Variants in HECW1 observed in about 807,000 individuals in gnomAD.
The protein encoded by HECW1 is HECT, C2 and WW domain containing E3 ubiquitin protein ligase 1.
Under a neutral mutation model 182.3 loss-of-function variants are expected in HECW1, and 61 were observed. The observed-to-expected ratio is 0.33, with a 90% CI of 0.27 to 0.41. HECW1 has a LOEUF of 0.41. HECW1 is among the 10% of genes least tolerant of loss of function. The pLI is 1.00. For missense variants in HECW1, 1,739 were observed against 2,108.9 expected (o/e 0.82, Z 3.44); for synonymous variants, 859 against 832.6 (o/e 1.03, Z -0.55).
At chr7:43,523,213 G>A (rs187456979) in intron 24 of HECW1, 8 of 220,084 alleles carry the variant, frequency 3.6e-5, no homozygotes, top group East Asian at 3.2e-4. Flanking sequence ...CATGTTGGCC[G>A]GGGGGGGTCT....
chr7:43,129,063 A>G (rs1465238371), intron 2 of HECW1, among the ~76,000 whole-genome samples: 1 of 152,236 alleles, frequency 6.6e-6, no homozygotes, highest in Non-Finnish European at 1.5e-5. Flanking sequence ...GATACTGTGA[A>G]CATTGTTGAA....
chr7:43,447,584 C>T (rs114144833), intron 11 of HECW1, among the ~76,000 whole-genome samples: 1,774 of 152,338 alleles, frequency 0.012, 33 homozygotes, highest in African/African-American at 0.04. Flanking sequence ...GCCATGCACA[C>T]GCTGGCATGT....
chr7:43,542,034 T>G (rs2081378778), intron 26 of HECW1, 36 bp downstream of exon 26: 1 of 1,454,104 alleles, frequency 6.9e-7, no homozygotes, highest in Non-Finnish European at 9.1e-7. Flanking sequence ...AGGGATTTTG[T>G]TTTTTACTAT....
chr7:43,114,294 T>G lies in HECW1; in HGVS notation c.-129T>G. On this transcript the variant is annotated 5_prime_UTR_variant, in exon 2 of 30. Transcript: ENST00000395891. ...ATGCCCTACCCGAAAAGGCCAACCG[T>G]TAAAGACCCCGGCAGTGTTGTGGTC... is the stretch of plus-strand genomic sequence containing the variant. 1 of 1,362,832 alleles carries G rather than the reference T, an allele frequency of 7.3e-7. No homozygotes were observed. Among genetic ancestry groups the G allele is most frequent in the Middle Eastern group, 1.9e-4 (1 of 5,146 alleles). The allele number at this position is 1,362,832 out of a possible 1,614,324, so 84.4% of individuals were successfully genotyped here.
chr7:43,496,607 AC>A (rs2079133023), intron 19 of HECW1, among the ~76,000 whole-genome samples: 1 of 152,144 alleles, frequency 6.6e-6, no homozygotes, highest in African/African-American at 2.4e-5. Flanking sequence ...TCAGGACCCC[AC>A]CCAGAAGAAC....
chr7:43,368,826 T>C (rs1275553007), intron 6 of HECW1, among the ~76,000 whole-genome samples: 1 of 152,208 alleles, frequency 6.6e-6, no homozygotes, highest in Non-Finnish European at 1.5e-5. Context: ...GTCTGGACTC[T>C]AAGAAGCAAA....
chr7:43,507,862 T>A (rs548668678), intron 22 of HECW1, among the ~76,000 whole-genome samples, 156 bp from the exon 23 acceptor site: 1 of 152,316 alleles, frequency 6.6e-6, no homozygotes, highest in South Asian at 2.1e-4. Flanking sequence ...GTTCAGATAA[T>A]CCCTCGATGA....
intron 3 of HECW1, among the ~76,000 whole-genome samples, chr7:43,267,778 GA>G (rs1320223463): frequency 6.6e-6 from 1 of 151,988 alleles, no homozygotes; most frequent in African/African-American, 2.4e-5. Context: ...AATATTAATA[GA>G]AATTTTTATG....
chr7:43,362,807 T>C (rs1816131316), intron 6 of HECW1, among the ~76,000 whole-genome samples: 2 of 152,224 alleles, frequency 1.3e-5, no homozygotes. Flanking sequence ...ACCCTTCCAC[T>C]GCAGGCCTGG....
chr7:43,416,943 G>A (rs2076027366), intron 8 of HECW1, among the ~76,000 whole-genome samples: 1 of 152,206 alleles, frequency 6.6e-6, no homozygotes, highest in Non-Finnish European at 1.5e-5. Flanking sequence ...TCCCTAGTGA[G>A]ATGCACCCAG....
At chr7:43,335,376 T>C (rs1388510146) in intron 5 of HECW1, among the ~76,000 whole-genome samples, 1 of 152,204 alleles carries the variant, frequency 6.6e-6, no homozygotes, top group Admixed American at 6.5e-5. Context: ...CTCGCTGCTA[T>C]AGACTAATGT....
intron 2 of HECW1, among the ~76,000 whole-genome samples, chr7:43,208,168 T>C (rs1010250792): frequency 1.3e-5 from 2 of 152,234 alleles, no homozygotes; most frequent in African/African-American, 4.8e-5. Context: ...TCCAGATCTT[T>C]ACCTCTTCAT....
At chr7:43,380,359 C>T (rs1371134245) in intron 6 of HECW1, among the ~76,000 whole-genome samples, 4 of 151,560 alleles carry the variant, frequency 2.6e-5, no homozygotes, top group Non-Finnish European at 2.9e-5. Context: ...CCACTGTGCC[C>T]AGCCTCTTTG....
chr7:43,297,691 A>T (rs1276732288), intron 3 of HECW1, among the ~76,000 whole-genome samples: 2 of 152,166 alleles, frequency 1.3e-5, no homozygotes, highest in Non-Finnish European at 2.9e-5. Context: ...GGCTCTAAGG[A>T]TTCTTCTCCA....
chr7:43,135,471 A>G (rs747262105), intron 2 of HECW1, among the ~76,000 whole-genome samples: 2 of 152,180 alleles, frequency 1.3e-5, no homozygotes, highest in Non-Finnish European at 2.9e-5. Context: ...TTAGAATATC[A>G]TGTAGCTGCC....
At chr7:43,545,869 CTT>C (rs1309023584) in intron 26 of HECW1, among the ~76,000 whole-genome samples, 2 of 151,934 alleles carry the variant, frequency 1.3e-5, no homozygotes, top group Non-Finnish European at 2.9e-5. Flanking sequence ...CTTGGTGTAA[CTT>C]TATGGAAATA....
chr7:43,114,802 G>C (rs2152590033), intron 2 of HECW1, among the ~76,000 whole-genome samples: 3 of 152,182 alleles, frequency 2.0e-5, no homozygotes, highest in Middle Eastern at 6.8e-3. Context: ...TTATTGACTT[G>C]ATAGGGAGGT....
intron 2 of HECW1, among the ~76,000 whole-genome samples, chr7:43,223,666 C>G (rs1797183061): frequency 6.6e-6 from 1 of 152,116 alleles, no homozygotes; most frequent in African/African-American, 2.4e-5. Flanking sequence ...TGTTCAAATC[C>G]CATCAGTGGT....
intron 3 of HECW1, among the ~76,000 whole-genome samples, chr7:43,292,206 C>CGTA (rs1215116400): frequency 1.3e-5 from 2 of 152,186 alleles, no homozygotes; most frequent in Non-Finnish European, 2.9e-5. Context: ...TTCTGGTCTC[C>CGTA]TACAATCATA....
Sources: gnomAD v4.1 joint callset for allele counts (sites outside exome capture counted in the v4.1 genomes callset) on GRCh38, gnomAD v4.1.1 for gene constraint, MANE v1.5 for transcripts, NCBI Gene and HGNC (gene_info 2026-07-23, HGNC 2026-07-21) for gene names.